ASTN2: variants seen among roughly 807,000 people sequenced by gnomAD.
The protein encoded by ASTN2 is astrotactin-2.
ASTN2 carries 54 observed loss-of-function variants against 139.8 expected under a neutral mutation model. The observed-to-expected ratio is 0.39, with a 90% CI of 0.31 to 0.48. ASTN2 has a LOEUF of 0.48. Among genes scored for constraint, ASTN2 ranks in the 20% least tolerant of loss-of-function variants. The probability of loss-of-function intolerance (pLI) is 0.95; values close to 1 mark genes in which losing one functional copy is unlikely to be tolerated. For missense variants in ASTN2, 1,565 were observed against 1,725.1 expected (o/e 0.91, Z 1.64); for synonymous variants, 756 against 719.5 (o/e 1.05, Z -0.81).
chr9:116,911,137 T>C (rs1231038736), intron 10 of ASTN2, among the ~76,000 whole-genome samples: 1 of 152,236 alleles, frequency 6.6e-6, no homozygotes, highest in Non-Finnish European at 1.5e-5. Flanking sequence ...CATAGCATCT[T>C]CATTCGCAAG....
intron 16 of ASTN2, among the ~76,000 whole-genome samples, chr9:116,683,908 C>T (rs923332241): frequency 6.6e-6 from 1 of 152,136 alleles, no homozygotes; most frequent in Non-Finnish European, 1.5e-5. Context: ...GGCATGCTTC[C>T]TTCAAAGAAT....
At chr9:116,607,723 ACG>A (rs1855286503) in intron 19 of ASTN2, among the ~76,000 whole-genome samples, 1 of 141,422 alleles carries the variant, frequency 7.1e-6, no homozygotes, top group South Asian at 2.2e-4. Context: ...ACACACACAC[ACG>A]CTGAAGCAGG....
At chr9:116,691,845 GA>G (rs1860583690) in intron 16 of ASTN2, among the ~76,000 whole-genome samples, 1 of 152,082 alleles carries the variant, frequency 6.6e-6, no homozygotes, top group Admixed American at 6.5e-5. Context: ...AATGCATGAG[GA>G]ATAAAGTTTA....
intron 16 of ASTN2, among the ~76,000 whole-genome samples, chr9:116,715,726 G>C (rs1211664590): frequency 6.6e-6 from 1 of 152,174 alleles, no homozygotes; most frequent in African/African-American, 2.4e-5. Flanking sequence ...GGATCTTTGA[G>C]AGCAGGGACT....
At position 116,532,574 on chromosome 9, in the gene ASTN2, A is replaced by G. The variant is rs1159243308; in HGVS notation, c.3356-45074T>C. ...GGAAGGGATCCAGTTTCAGCTTTCT[A>G]CATATGGCTAGCCAGTTTTCCCAGC... On this transcript the variant is annotated intron_variant, in intron 19 of 22. Coordinates refer to ENST00000313400, the MANE Select transcript of ASTN2 (RefSeq NM_001365068.1). Among the ~76,000 whole-genome samples, 6 of 152,182 alleles carry G rather than the reference A, an allele frequency of 3.9e-5. No homozygotes were observed. In the South Asian group the frequency reaches 1.0e-3, roughly 26 times the overall value.
chr9:117,333,044 C>G (rs1486152031), intron 1 of ASTN2, among the ~76,000 whole-genome samples: 1 of 152,032 alleles, frequency 6.6e-6, no homozygotes, highest in Non-Finnish European at 1.5e-5. Flanking sequence ...TAAAAATGTT[C>G]TAAAATTGAC....
At chr9:116,834,211 A>T (rs1204759770) in intron 11 of ASTN2, among the ~76,000 whole-genome samples, 2 of 152,136 alleles carry the variant, frequency 1.3e-5, no homozygotes, top group African/African-American at 4.8e-5. Flanking sequence ...ATGGTCCAGG[A>T]TATAGTCTTG....
intron 19 of ASTN2, among the ~76,000 whole-genome samples, chr9:116,599,244 C>G (rs1175917801): frequency 6.6e-6 from 1 of 152,138 alleles, no homozygotes; most frequent in East Asian, 1.9e-4. Context: ...CCAGCAGAAG[C>G]CAGGAATCCA....
intron 7 of ASTN2, among the ~76,000 whole-genome samples, chr9:117,000,073 T>G (rs918658709): frequency 1.3e-5 from 2 of 152,198 alleles, no homozygotes; most frequent in African/African-American, 4.8e-5. Context: ...AATTAATAAG[T>G]GAAGATACAC....
At chr9:116,846,620 A>T (rs949231711) in intron 11 of ASTN2, among the ~76,000 whole-genome samples, 1 of 152,188 alleles carries the variant, frequency 6.6e-6, no homozygotes, top group African/African-American at 2.4e-5. Flanking sequence ...TTCCCATTAG[A>T]GGAGTCCCAC....
intron 1 of ASTN2, among the ~76,000 whole-genome samples, chr9:117,299,512 G>A (rs983337952): frequency 1.3e-5 from 2 of 152,146 alleles, no homozygotes; most frequent in Non-Finnish European, 1.5e-5. Context: ...GTGGCAAGAG[G>A]GCACTTCAGA....
intron 20 of ASTN2, among the ~76,000 whole-genome samples, chr9:116,443,868 C>T (rs901218313): frequency 3.9e-5 from 6 of 152,092 alleles, no homozygotes; most frequent in African/African-American, 1.2e-4. Flanking sequence ...TTCCCTCCTC[C>T]CTTGCATCTC....
chr9:116,861,595 T>A (rs1186560690), intron 11 of ASTN2, among the ~76,000 whole-genome samples: 1 of 152,126 alleles, frequency 6.6e-6, no homozygotes, highest in African/African-American at 2.4e-5. Flanking sequence ...AGCACCCCAG[T>A]TTTTCTTGAG....
intron 4 of ASTN2, among the ~76,000 whole-genome samples, chr9:117,099,170 G>GA (rs1228052203): frequency 6.6e-6 from 1 of 150,880 alleles, no homozygotes; most frequent in African/African-American, 2.4e-5. Context: ...CTTGGCCAAA[G>GA]AAAAAATGAA....
intron 10 of ASTN2, among the ~76,000 whole-genome samples, chr9:116,932,024 T>C (rs982771502): frequency 1.3e-5 from 2 of 151,480 alleles, no homozygotes; most frequent in African/African-American, 2.4e-5. Flanking sequence ...TGAGGGGTGG[T>C]AGGGGGAAGG....
chr9:116,454,687 T>TAC (rs1185079769), intron 20 of ASTN2, among the ~76,000 whole-genome samples: 1 of 152,170 alleles, frequency 6.6e-6, no homozygotes, highest in Non-Finnish European at 1.5e-5. Context: ...GGCACATATA[T>TAC]ACCATGGAAT....
At chr9:117,315,505 T>G (rs1273049808) in intron 1 of ASTN2, among the ~76,000 whole-genome samples, 1 of 152,210 alleles carries the variant, frequency 6.6e-6, no homozygotes, top group Non-Finnish European at 1.5e-5. Flanking sequence ...GACAAATCAC[T>G]GGCACTGTCC....
intron 1 of ASTN2, among the ~76,000 whole-genome samples, chr9:117,308,157 C>A (rs546989248): frequency 6.6e-6 from 1 of 152,300 alleles, no homozygotes; most frequent in East Asian, 1.9e-4. Flanking sequence ...GGCTTCCACA[C>A]ACCATGCAGG....
chr9:116,905,940 C>T (rs771816961), intron 10 of ASTN2, among the ~76,000 whole-genome samples: 1 of 150,798 alleles, frequency 6.6e-6, no homozygotes, highest in Non-Finnish European at 1.5e-5. Context: ...GTGGAAAATG[C>T]TTTCTCTGTC....
Sources: allele counts gnomAD v4.1 joint callset (sites outside exome capture counted in the v4.1 genomes callset), GRCh38; gene constraint gnomAD v4.1.1; transcripts MANE v1.5; gene names NCBI Gene and HGNC (gene_info 2026-07-23, HGNC 2026-07-21).